MOGAT1: variants seen among roughly 807,000 people sequenced by gnomAD.
MOGAT1 encodes the protein monoacylglycerol O-acyltransferase 1, also known as 2-acylglycerol O-acyltransferase 1.
Under a neutral mutation model 31.4 loss-of-function variants are expected in MOGAT1, and 32 were observed. The observed-to-expected ratio is 1.02, with a 90% CI of 0.77 to 1.37. The LOEUF (loss-of-function observed/expected upper bound fraction) is 1.37. Ranked by LOEUF, MOGAT1 falls within the 40% of genes most tolerant of loss-of-function variation. The probability of loss-of-function intolerance (pLI) is 0.00; values close to 1 mark genes in which losing one functional copy is unlikely to be tolerated. For missense variants in MOGAT1, 426 were observed against 402.0 expected (o/e 1.06, Z -0.51); for synonymous variants, 145 against 144.5 (o/e 1.00, Z -0.03).
intron 5 of MOGAT1, among the ~76,000 whole-genome samples, chr2:222,700,846 T>C (rs1662930104): frequency 1.3e-5 from 2 of 152,174 alleles, no homozygotes; most frequent in African/African-American, 2.4e-5. Context: ...TGAAATGCAG[T>C]GTGGCTTCAT....
intron 5 of MOGAT1, among the ~76,000 whole-genome samples, chr2:222,706,665 A>T (rs1693007821): frequency 6.6e-6 from 1 of 152,202 alleles, no homozygotes; most frequent in South Asian, 2.1e-4. Context: ...AACACACTTC[A>T]TCTTCTTAGA....
chr2:222,673,346 A>AAAAAAAAAT (rs1553561040), intron 1 of MOGAT1, among the ~76,000 whole-genome samples: 1 of 151,010 alleles, frequency 6.6e-6, no homozygotes, highest in South Asian at 2.1e-4. Context: ...AAAAAAAAAA[A>AAAAAAAAAT]TGTAATTCAA....
intron 1 of MOGAT1, among the ~76,000 whole-genome samples, chr2:222,682,681 G>A (rs1044301865): frequency 3.3e-5 from 5 of 152,194 alleles, no homozygotes; most frequent in Non-Finnish European, 5.9e-5. Context: ...CAACCCAAAT[G>A]TCTGTCAACA....
At chr2:222,673,584 G>T (rs759453542) in intron 1 of MOGAT1, among the ~76,000 whole-genome samples, 5 of 152,176 alleles carry the variant, frequency 3.3e-5, no homozygotes, top group Non-Finnish European at 7.3e-5. Context: ...GAAGTAAATT[G>T]CTCAAGGCGA....
chr2:222,674,563 G>A (rs894655880), intron 1 of MOGAT1, among the ~76,000 whole-genome samples: 1 of 151,940 alleles, frequency 6.6e-6, no homozygotes, highest in East Asian at 1.9e-4. Context: ...CACAATAATT[G>A]GCATAGTACC....
chr2:222,702,271 T>C (rs918468923), intron 5 of MOGAT1, among the ~76,000 whole-genome samples: 1 of 152,098 alleles, frequency 6.6e-6, no homozygotes, highest in African/African-American at 2.4e-5. Flanking sequence ...CTGTTGTAGA[T>C]TGATGGGAAA....
intron 1 of MOGAT1, chr2:222,678,177 A>T (rs12614976): frequency 0.6 from 92,416 of 153,676 alleles, 29,011 homozygotes; most frequent in Middle Eastern, 0.78. Flanking sequence ...CATTAGAAAA[A>T]AGGACTGGAT....
chr2:222,709,115 C>G (rs2106047947), intron 5 of MOGAT1, among the ~76,000 whole-genome samples: 1 of 152,212 alleles, frequency 6.6e-6, no homozygotes, highest in African/African-American at 2.4e-5. Flanking sequence ...GAGTTCAAGA[C>G]CAGCCTGGCC....
At chr2:222,685,197 A>G (rs1302279506) in intron 1 of MOGAT1, among the ~76,000 whole-genome samples, 6 of 152,214 alleles carry the variant, frequency 3.9e-5, no homozygotes. Flanking sequence ...AGTGACAGGA[A>G]CTTGCCTCAT....
rs1453998064 is a variant in MOGAT1, at chr2:222,695,112, C to A, written c.677C>A (p.Ser226Tyr). The stretch of plus-strand genomic sequence containing the variant: ...AGCGCCTCTCTGGTCCCAGTGGTTT[C>A]TTTTGGTGAAAATGAACTGTTTAAA... ...THGASLVPVV[S>Y]FGENELFKQT... is the part of the protein sequence containing the mutation. The change falls in exon 5 of 6, where the codon TCT (serine) becomes TAT (tyrosine). Residue 226 changes from serine (S) to tyrosine (Y), a missense_variant. By Grantham distance (144) the Ser-to-Tyr change is moderately radical. Transcript: ENST00000446656. 6.9e-6 allele frequency: 11 copies of A among 1,604,852 alleles called. No individual in the cohort carries two copies. Among genetic ancestry groups the A allele is most frequent in the East Asian group, 2.3e-5 (1 of 44,328 alleles).
chr2:222,682,014 C>T (rs377264394), intron 1 of MOGAT1, among the ~76,000 whole-genome samples: 1 of 152,178 alleles, frequency 6.6e-6, no homozygotes, highest in South Asian at 2.1e-4. Flanking sequence ...TGCATGTTAA[C>T]TGCTCTTACC....
At chr2:222,680,405 A>G (rs1358738702) in intron 1 of MOGAT1, among the ~76,000 whole-genome samples, 1 of 151,574 alleles carries the variant, frequency 6.6e-6, no homozygotes, top group Non-Finnish European at 1.5e-5. Flanking sequence ...TGTGCTATAA[A>G]ACAAGAGAAA....
chr2:222,690,007 C>G (rs539712660), intron 3 of MOGAT1, among the ~76,000 whole-genome samples: 1 of 152,136 alleles, frequency 6.6e-6, no homozygotes, highest in South Asian at 2.1e-4. Flanking sequence ...GTAATCCCAG[C>G]ACTTTAGGAG....
intron 4 of MOGAT1, 134 bp downstream of exon 4, chr2:222,694,670 A>T: frequency 2.4e-6 from 2 of 846,806 alleles, no homozygotes; most frequent in Non-Finnish European, 3.6e-6. Context: ...GCAGGTGTGG[A>T]TGTTCTTGGG....
At chr2:222,689,600 C>A in intron 3 of MOGAT1, 131 bp downstream of exon 3, 1 of 790,662 alleles carries the variant, frequency 1.3e-6, no homozygotes, top group Non-Finnish European at 2.1e-6. Flanking sequence ...CTGGCACTTC[C>A]TATGGTGTCT....
At chr2:222,677,477 G>C (rs1242447568) in intron 1 of MOGAT1, among the ~76,000 whole-genome samples, 1 of 152,078 alleles carries the variant, frequency 6.6e-6, no homozygotes, top group African/African-American at 2.4e-5. Flanking sequence ...AAGCAGCCTT[G>C]GCATTTCCTT....
chr2:222,706,198 C>T (rs944481568), intron 5 of MOGAT1, among the ~76,000 whole-genome samples: 1 of 152,126 alleles, frequency 6.6e-6, no homozygotes, highest in African/African-American at 2.4e-5. Context: ...CTAGGCTGGG[C>T]GTGGTGGCTC....
chr2:222,681,733 T>C lies in MOGAT1; in HGVS notation c.95-6611T>C, dbSNP rs527798720. Among the ~76,000 whole-genome samples the C allele has an allele frequency of 1.6e-4, 24 of 150,800 alleles. No homozygotes were observed. The East Asian group carries it at 2.5e-3, about 16-fold the overall frequency. ...CCACCATCCTGGAGCCCACCAAGAG[T>C]TGTCTCATTAGAAGAAAAGACATTG... On this transcript the variant is annotated intron_variant, in intron 1 of 5. Transcript: ENST00000446656.
In MOGAT1 at chr2:222,694,391, T is replaced by A; in HGVS notation, c.508T>A (p.Ser170Thr). The A allele has an allele frequency of 6.2e-7, 1 of 1,613,228 alleles. No homozygotes were observed. The highest frequency in any genetic ancestry group is 8.5e-7 in the Non-Finnish European group (1 of 1,179,478). ...GGTTTCAGTTTCCAAGAAAAGTGTG[T>A]CCTACATGGTAAGCAAGGAGGGAGG... is the stretch of plus-strand genomic sequence containing the variant. ...GLVSVSKKSV[S>T]YMVSKEGGGN... The change falls in exon 4 of 6, where the codon TCC becomes ACC. Residue 170 changes from serine to threonine, a missense_variant. Transcript: ENST00000446656.
Sources: allele counts gnomAD v4.1 joint callset (sites outside exome capture counted in the v4.1 genomes callset), GRCh38; gene constraint gnomAD v4.1.1; transcripts MANE v1.5; gene names NCBI Gene and HGNC (gene_info 2026-07-23, HGNC 2026-07-21).